RBPMS: variants seen among roughly 807,000 people sequenced by gnomAD.
RBPMS encodes the protein RNA-binding protein with multiple splicing.
In RBPMS, 7 loss-of-function variants were observed where a neutral mutation model predicts 26.8. The ratio of observed to expected loss-of-function variants is 0.26; its 90% CI spans 0.15 to 0.49. RBPMS has a LOEUF of 0.49. Ranked by LOEUF, RBPMS falls within the 20% of genes least tolerant of loss-of-function variation. RBPMS has a pLI of 0.98. For synonymous variants in RBPMS, 96 were observed against 93.3 expected, an observed-to-expected ratio of 1.03 and a Z score of -0.17; for missense variants, 186 against 250.0, an observed-to-expected ratio of 0.74 and a Z score of 1.73.
At chr8:30,549,805 C>CCTCTCTCT (rs71206263) in intron 6 of RBPMS, among the ~76,000 whole-genome samples, 2 of 110,684 alleles carry the variant, frequency 1.8e-5, no homozygotes, top group South Asian at 2.9e-4. Flanking sequence ...TCCCCTCTCT[C>CCTCTCTCT]CTCTCTCTCT....
intron 5 of RBPMS, among the ~76,000 whole-genome samples, chr8:30,514,464 G>T (rs1443750435): frequency 6.6e-6 from 1 of 152,024 alleles, no homozygotes; most frequent in African/African-American, 2.4e-5. Flanking sequence ...AAAATTTTAG[G>T]TTTAAGGCAA....
chr8:30,565,447 G>A (rs1462909537), intron 7 of RBPMS: 3 of 152,234 alleles, frequency 2.0e-5, no homozygotes, highest in Non-Finnish European at 4.4e-5. Flanking sequence ...TCTGCAGGGA[G>A]GGAGATCTGA....
intron 1 of RBPMS, among the ~76,000 whole-genome samples, chr8:30,447,386 A>G (rs1813993987): frequency 6.6e-6 from 1 of 152,216 alleles, no homozygotes; most frequent in South Asian, 2.1e-4. Context: ...AATAGAGAAT[A>G]TATTAGAGGA....
At chr8:30,556,672 A>G (rs1429448825) in intron 6 of RBPMS, 13 of 985,480 alleles carry the variant, frequency 1.3e-5, no homozygotes, top group Non-Finnish European at 1.4e-5. Context: ...CCAGCCCCCC[A>G]CCTGCCATGG....
intron 4 of RBPMS, among the ~76,000 whole-genome samples, chr8:30,492,631 T>A (rs1451191949): frequency 3.3e-5 from 5 of 152,134 alleles, no homozygotes; most frequent in African/African-American, 4.8e-5. Context: ...AGTGATTCTC[T>A]CAATTTGCAA....
rs1007235973 is a variant in RBPMS at position 30,483,602 on chromosome 8, G to A, written c.246+4225G>A. Among the ~76,000 whole-genome samples the A allele has an allele frequency of 5.3e-5, 8 of 151,368 alleles. No homozygotes were observed. The East Asian group carries it at 7.8e-4, about 15-fold the overall frequency. ...ATATTACATTATTTTTTTTAATTAC[G>A]GTAAAATACATTTAAAATTTTGCTA... On this transcript the variant is annotated intron_variant, in intron 4 of 8. Coordinates refer to ENST00000397323, the MANE Select transcript of RBPMS (RefSeq NM_001008710.3).
chr8:30,436,183 T>TCTTTTTTTCACTTTCCCC lies in RBPMS; in HGVS notation c.67-38577_67-38560dup, dbSNP rs569117392. On this transcript the variant is annotated intron_variant, in intron 1 of 8. Transcript: ENST00000397323. ...ACATCAGCCTCCTCCTTTAATCAGG[T>TCTTTTTTTCACTTTCCCC]CTTTTTTTCACTTTCCCCCTTTTTT... is the stretch of plus-strand genomic sequence containing the variant. 2.9e-3 allele frequency among the ~76,000 whole-genome samples: 427 copies of TCTTTTTTTCACTTTCCCC among 147,680 alleles called. 3 individuals are homozygous for TCTTTTTTTCACTTTCCCC. The highest frequency in any genetic ancestry group is 9.6e-3 in the African/African-American group (394 of 41,014).
chr8:30,569,018 A>T (rs1828086711), intron 8 of RBPMS, among the ~76,000 whole-genome samples: 1 of 151,664 alleles, frequency 6.6e-6, no homozygotes. Flanking sequence ...CCGCCTGCTC[A>T]GGGGCTGGGG....
intron 4 of RBPMS, among the ~76,000 whole-genome samples, chr8:30,502,720 T>C (rs182369761): frequency 6.6e-6 from 1 of 152,318 alleles, no homozygotes; most frequent in Admixed American, 6.5e-5. Flanking sequence ...TGTTGTAATA[T>C]TAGCTTTGTT....
At chr8:30,520,393 C>T (rs1822901940) in intron 5 of RBPMS, among the ~76,000 whole-genome samples, 2 of 152,040 alleles carry the variant, frequency 1.3e-5, no homozygotes, top group South Asian at 2.1e-4. Context: ...TGAGTATCAT[C>T]GTGAACTCGT....
intron 4 of RBPMS, among the ~76,000 whole-genome samples, chr8:30,488,828 T>G (rs1227741752): frequency 6.6e-6 from 1 of 152,214 alleles, no homozygotes; most frequent in Non-Finnish European, 1.5e-5. Flanking sequence ...ACTAAATTTG[T>G]TAATTGAGGC....
intron 4 of RBPMS, among the ~76,000 whole-genome samples, chr8:30,486,323 G>T (rs1208821682): frequency 6.6e-6 from 1 of 151,300 alleles, no homozygotes; most frequent in Non-Finnish European, 1.5e-5. Flanking sequence ...CTGGATGACA[G>T]AGCGAGACTC....
chr8:30,531,079 A>G (rs1184159334), intron 5 of RBPMS, among the ~76,000 whole-genome samples: 1 of 151,976 alleles, frequency 6.6e-6, no homozygotes, highest in African/African-American at 2.4e-5. Context: ...ATAGTGGACC[A>G]TTTTATAGTT....
intron 7 of RBPMS, 34 bp from the exon 8 acceptor site, chr8:30,566,223 T>G: frequency 1.0e-6 from 1 of 984,508 alleles, no homozygotes. Context: ...GAGGTTACTG[T>G]GCACCGTTAA....
chr8:30,503,832 T>G lies in RBPMS; in HGVS notation c.247-454T>G, dbSNP rs1260616229. ...ATTCATGGTATTGGATGCTTAATAA[T>G]GAAGACATTCTTGAATGGTGGAAAG... On this transcript the variant is annotated intron_variant, in intron 4 of 8. Coordinates refer to ENST00000397323, the MANE Select transcript of RBPMS (RefSeq NM_001008710.3). Among the ~76,000 whole-genome samples, 4 of 152,170 alleles carry G rather than the reference T, an allele frequency of 2.6e-5. No homozygotes were observed. In the South Asian group the frequency reaches 8.3e-4, roughly 32 times the overall value.
intron 6 of RBPMS, among the ~76,000 whole-genome samples, chr8:30,551,483 A>G (rs1307238833): frequency 6.6e-6 from 1 of 152,124 alleles, no homozygotes; most frequent in African/African-American, 2.4e-5. Context: ...GACTGGGGGC[A>G]CCATTACTCT....
chr8:30,557,931 C>G (rs1481522383), intron 6 of RBPMS, among the ~76,000 whole-genome samples: 1 of 152,208 alleles, frequency 6.6e-6, no homozygotes, highest in East Asian at 1.9e-4. Context: ...GTGGCACAAT[C>G]TCAGCTTACA....
chr8:30,434,711 A>C (rs1329782888), intron 1 of RBPMS, among the ~76,000 whole-genome samples: 2 of 151,830 alleles, frequency 1.3e-5, no homozygotes, highest in Non-Finnish European at 2.9e-5. Flanking sequence ...CTCGAAAAAA[A>C]AAAAAAAAGG....
At chr8:30,414,287 G>C (rs1364526199) in intron 1 of RBPMS, among the ~76,000 whole-genome samples, 2 of 152,178 alleles carry the variant, frequency 1.3e-5, no homozygotes, top group African/African-American at 4.8e-5. Context: ...TATTTTTGGT[G>C]AGCCTTGGAC....
Sources: allele counts gnomAD v4.1 joint callset (sites outside exome capture counted in the v4.1 genomes callset), GRCh38; gene constraint gnomAD v4.1.1; transcripts MANE v1.5; gene names NCBI Gene and HGNC (gene_info 2026-07-23, HGNC 2026-07-21).